RYR2: variants seen among roughly 807,000 people sequenced by gnomAD.
RYR2 encodes ryanodine receptor 2.
In RYR2, 227 loss-of-function variants were observed where a neutral mutation model predicts 601.1. The ratio of observed to expected loss-of-function variants is 0.38; its 90% confidence interval spans 0.34 to 0.42. RYR2 has a LOEUF of 0.42. RYR2 is among the 10% of genes least tolerant of loss of function. RYR2 has a pLI of 1.00. For synonymous variants in RYR2, 2,223 were observed against 2,175.1 expected, an observed-to-expected ratio of 1.02 and a Z score of -0.61; for missense variants, 4,646 against 6,156.5, an observed-to-expected ratio of 0.75 and a Z score of 8.21.
intron 92 of RYR2, among the ~76,000 whole-genome samples, chr1:237,789,320 G>C (rs1658057237): frequency 2.0e-5 from 3 of 151,958 alleles, no homozygotes; most frequent in Non-Finnish European, 4.4e-5. Flanking sequence ...TATTCTAAAT[G>C]CTTATCTTTA....
intron 1 of RYR2, among the ~76,000 whole-genome samples, chr1:237,174,776 T>C (rs1185605743): frequency 6.6e-6 from 1 of 152,208 alleles, no homozygotes; most frequent in African/African-American, 2.4e-5. Flanking sequence ...ACTCTGCTGT[T>C]AGAAATACTC....
At chr1:237,617,513 G>T in intron 38 of RYR2, 27 bp downstream of exon 38, 18 of 1,602,238 alleles carry the variant, frequency 1.1e-5, no homozygotes, top group Non-Finnish European at 1.5e-5. Context: ...AAAATTCTTC[G>T]TATTTATGTT....
Position 237,784,712 on chromosome 1 carries a change from A to G in RYR2, c.13000A>G (p.Met4334Val). The stretch of plus-strand genomic sequence containing the variant: ...CAAAGTTGCAGAACTGTTAGCCAAC[A>G]TGCCAGACCCCACTCAGGATGAGGT... ...KIKVAELLAN[M>V]PDPTQDEVRG... Residue 4334 changes from methionine (M) to valine (V), a missense_variant, in exon 90 of 105, where the codon ATG becomes GTG. Physicochemically the swap from Met to Val is conservative, Grantham distance 21. This residue lies in a region of RYR2 where 364 missense variants were observed against 442.9 expected (regional missense o/e 0.82). Transcript: ENST00000366574. This position sits in a 1 kb window ranked among gnomAD's most constrained non-coding sequence, Gnocchi z 7.1. The G allele has an allele frequency of 1.2e-6, 2 of 1,607,100 alleles. No individual in the cohort carries two copies. Among genetic ancestry groups the G allele is most frequent in the Non-Finnish European group, 1.7e-6 (2 of 1,175,714 alleles).
chr1:237,564,885 G>T (rs569636585), intron 27 of RYR2, among the ~76,000 whole-genome samples: 3 of 152,208 alleles, frequency 2.0e-5, no homozygotes, highest in East Asian at 3.9e-4. Flanking sequence ...CTACAGCCAT[G>T]GTGTCTCCAC....
At chr1:237,613,280 G>A (rs1352246961) in intron 36 of RYR2, among the ~76,000 whole-genome samples, 1 of 152,100 alleles carries the variant, frequency 6.6e-6, no homozygotes, top group African/African-American at 2.4e-5. Flanking sequence ...TGGTCAGCGG[G>A]GGTGGTTTAC....
chr1:237,608,495 T>C (rs1677407129), intron 35 of RYR2, among the ~76,000 whole-genome samples: 2 of 152,192 alleles, frequency 1.3e-5, no homozygotes, highest in Non-Finnish European at 2.9e-5. Context: ...CCCAGAAGTT[T>C]GAAACCAGCT....
At chr1:237,419,405 A>G (rs989455161) in intron 11 of RYR2, among the ~76,000 whole-genome samples, 8 of 151,992 alleles carry the variant, frequency 5.3e-5, no homozygotes, top group African/African-American at 1.7e-4. Flanking sequence ...TTATTCTTCA[A>G]ACTTCTGAAT....
chr1:237,522,291 A>T (rs768411874), intron 24 of RYR2, among the ~76,000 whole-genome samples: 1 of 152,236 alleles, frequency 6.6e-6, no homozygotes, highest in Non-Finnish European at 1.5e-5. Flanking sequence ...ACAATAGCTG[A>T]TGAGCTAAAT....
intron 1 of RYR2, among the ~76,000 whole-genome samples, chr1:237,220,598 GA>G (rs1410162792): frequency 6.6e-6 from 1 of 152,178 alleles, no homozygotes; most frequent in African/African-American, 2.4e-5. Flanking sequence ...TTTCTCGGGA[GA>G]CACCTGACTG....
intron 85 of RYR2, among the ~76,000 whole-genome samples, 199 bp from the exon 86 acceptor site, chr1:237,771,813 A>G (rs571947381): frequency 2.6e-5 from 4 of 152,318 alleles, no homozygotes; most frequent in African/African-American, 7.2e-5. Context: ...TTGATCATCA[A>G]TGGAGCACCC....
At chr1:237,634,764 C>A in intron 43 of RYR2, 125 bp from the exon 44 acceptor site, 2 of 628,150 alleles carry the variant, frequency 3.2e-6, no homozygotes, top group Non-Finnish European at 5.4e-6. Flanking sequence ...TAATGTAAAT[C>A]AATGTAGATT....
chr1:237,057,169 C>T (rs1201644668), intron 1 of RYR2, among the ~76,000 whole-genome samples: 1 of 151,912 alleles, frequency 6.6e-6, no homozygotes, highest in Non-Finnish European at 1.5e-5. Flanking sequence ...AACAGAGGCT[C>T]AGACGAAGGT....
chr1:237,222,960 G>A lies in RYR2; in HGVS notation c.49-47537G>A, dbSNP rs73121650. On this transcript the variant is annotated intron_variant, in intron 1 of 104. Coordinates refer to ENST00000366574, the MANE Select transcript of RYR2 (RefSeq NM_001035.3). ...CATGCTTGTAATCCCAGCTACGCAC[G>A]CAGGAGGCTAATGCAGGAGAATCGC... Among the ~76,000 whole-genome samples, 1,323 of 152,128 alleles carry A rather than the reference G, an allele frequency of 8.7e-3. 24 individuals carry two copies. The highest frequency in any genetic ancestry group is 0.03 in the African/African-American group (1,237 of 41,494).
chr1:237,545,680 T>C (rs1669720543), intron 25 of RYR2, among the ~76,000 whole-genome samples: 1 of 151,990 alleles, frequency 6.6e-6, no homozygotes, highest in African/African-American at 2.4e-5. Flanking sequence ...CTGTTAAACT[T>C]GGAAATTAGA....
chr1:237,688,996 G>C (rs1686697897), intron 63 of RYR2, among the ~76,000 whole-genome samples: 1 of 152,104 alleles, frequency 6.6e-6, no homozygotes, highest in Non-Finnish European at 1.5e-5. Context: ...AGGTGTGGTG[G>C]CTCATGCCTG....
intron 1 of RYR2, among the ~76,000 whole-genome samples, chr1:237,187,803 A>G (rs1018514885): frequency 1.3e-5 from 2 of 152,124 alleles, no homozygotes; most frequent in African/African-American, 4.8e-5. Flanking sequence ...CAGAATCACA[A>G]TCTTCTGTGT....
chr1:237,157,734 C>T (rs189500951), intron 1 of RYR2, among the ~76,000 whole-genome samples: 4 of 152,124 alleles, frequency 2.6e-5, no homozygotes, highest in South Asian at 4.2e-4. Context: ...AGAATGGAAG[C>T]GTAGTGGGAA....
At chr1:237,406,811 G>T (rs1703950962) in intron 10 of RYR2, among the ~76,000 whole-genome samples, 1 of 152,108 alleles carries the variant, frequency 6.6e-6, no homozygotes, top group African/African-American at 2.4e-5. Flanking sequence ...TTAACATCTT[G>T]TATTAGTATG....
intron 68 of RYR2, among the ~76,000 whole-genome samples, chr1:237,707,915 G>A (rs1007583280): frequency 3.3e-5 from 5 of 151,216 alleles, no homozygotes; most frequent in Non-Finnish European, 5.9e-5. Context: ...AGGATTACAG[G>A]CATCTGCCAC....
Sources: gnomAD v4.1 joint callset for allele counts (sites outside exome capture counted in the v4.1 genomes callset) on GRCh38, gnomAD v4.1.1 for gene constraint, gnomAD v4.1.1 regional missense constraint, Gnocchi (gnomAD v3.1) non-coding constraint, MANE v1.5 for transcripts, NCBI Gene and HGNC (gene_info 2026-07-23, HGNC 2026-07-21) for gene names.